The following GRM7 variants were observed in gnomAD, a reference collection of about 807,000 sequenced individuals.
GRM7 encodes metabotropic glutamate receptor 7.
GRM7 carries 35 observed loss-of-function variants against 84.5 expected under a neutral mutation model. That is an observed-to-expected ratio of 0.41 (90% CI 0.32 to 0.55). The LOEUF (loss-of-function observed/expected upper bound fraction) is 0.55, where lower values mean the gene tolerates loss of function less well. Among genes scored for constraint, GRM7 ranks in the 20% least tolerant of loss-of-function variants. The pLI, the probability that GRM7 is intolerant of heterozygous loss-of-function variation, is 0.19. For synonymous variants in GRM7, 487 were observed against 455.1 expected (o/e 1.07, Z -0.89); for missense variants, 1,003 against 1,194.6 (o/e 0.84, Z 2.36).
chr3:7,172,567 C>A (rs1695020796), intron 2 of GRM7, among the ~76,000 whole-genome samples: 1 of 136,290 alleles, frequency 7.3e-6, no homozygotes, highest in African/African-American at 2.7e-5. Flanking sequence ...CCACATATAT[C>A]TATATATAAA....
intron 7 of GRM7, among the ~76,000 whole-genome samples, chr3:7,505,089 G>GAA (rs1009399262): frequency 7.2e-5 from 11 of 152,080 alleles, no homozygotes; most frequent in African/African-American, 2.7e-4. Context: ...AAGGAAGCAA[G>GAA]AAAAAAGGCA....
intron 2 of GRM7, among the ~76,000 whole-genome samples, chr3:7,264,731 T>C (rs919198148): frequency 1.5e-4 from 23 of 152,168 alleles, no homozygotes; most frequent in Middle Eastern, 3.2e-3. Flanking sequence ...CCTCTCCACA[T>C]CTGCTTTCAT....
chr3:7,508,509 G>A (rs1700101746), intron 7 of GRM7, among the ~76,000 whole-genome samples: 1 of 152,004 alleles, frequency 6.6e-6, no homozygotes, highest in Non-Finnish European at 1.5e-5. Context: ...ATAAAAAAGA[G>A]GTTAATTGGT....
intron 8 of GRM7, among the ~76,000 whole-genome samples, chr3:7,648,261 G>A (rs1179971177): frequency 7.7e-6 from 1 of 129,320 alleles, no homozygotes; most frequent in Non-Finnish European, 1.6e-5. Flanking sequence ...TTTTTTTTAT[G>A]TTTTTAAAAG....
At chr3:7,271,572 A>T (rs1698864507) in intron 2 of GRM7, among the ~76,000 whole-genome samples, 3 of 150,154 alleles carry the variant, frequency 2.0e-5, no homozygotes. Context: ...TAAAAAAAAA[A>T]AAAAAAAAAA....
chr3:6,905,365 G>T (rs1163306796), intron 1 of GRM7, among the ~76,000 whole-genome samples: 2 of 152,058 alleles, frequency 1.3e-5, no homozygotes, highest in Non-Finnish European at 2.9e-5. Context: ...GATATTACAA[G>T]TGTATCTTAT....
intron 8 of GRM7, among the ~76,000 whole-genome samples, chr3:7,647,537 G>C (rs1460429303): frequency 6.6e-6 from 1 of 152,154 alleles, no homozygotes; most frequent in African/African-American, 2.4e-5. Context: ...GGAATTTAAG[G>C]CAAATACAAT....
chr3:7,281,114 A>C, intron 2 of GRM7, among the ~76,000 whole-genome samples: 1 of 152,214 alleles, frequency 6.6e-6, no homozygotes, highest in East Asian at 1.9e-4. Context: ...GGTAAGAAAT[A>C]AGATAATTGA....
chr3:7,238,996 C>CTTTTTTTTTTTTT (rs567509392), intron 2 of GRM7, among the ~76,000 whole-genome samples: 7 of 118,350 alleles, frequency 5.9e-5, no homozygotes, highest in East Asian at 2.5e-4. Flanking sequence ...TTTCTTTTTT[C>CTTTTTTTTTTTTT]CTTTTTCTTT....
chr3:7,363,329 A>C (rs1693749889), intron 4 of GRM7, among the ~76,000 whole-genome samples: 3 of 152,052 alleles, frequency 2.0e-5, no homozygotes, highest in Admixed American at 2.0e-4. Flanking sequence ...TCATGAGATC[A>C]CAAGAAGTCA....
chr3:6,927,729 C>G (rs1198250477), intron 1 of GRM7, among the ~76,000 whole-genome samples: 2 of 151,906 alleles, frequency 1.3e-5, no homozygotes, highest in African/African-American at 2.4e-5. Flanking sequence ...TCATTTTTAT[C>G]TATATTACAT....
At chr3:6,945,473 T>G (rs1335932979) in intron 1 of GRM7, among the ~76,000 whole-genome samples, 1 of 152,142 alleles carries the variant, frequency 6.6e-6, no homozygotes, top group Non-Finnish European at 1.5e-5. Context: ...TGTTGGACAT[T>G]TCAGTTGGTT....
At chr3:7,371,876 G>C (rs757853996) in intron 4 of GRM7, among the ~76,000 whole-genome samples, 3 of 152,194 alleles carry the variant, frequency 2.0e-5, no homozygotes, top group Non-Finnish European at 4.4e-5. Flanking sequence ...GTGTGAGTCA[G>C]TGAGTGGGTG....
chr3:7,598,128 GTCA>G (rs1161210546), intron 8 of GRM7, among the ~76,000 whole-genome samples: 1 of 152,184 alleles, frequency 6.6e-6, no homozygotes, highest in African/African-American at 2.4e-5. Flanking sequence ...CTCTTCTTCA[GTCA>G]TCATAATCTG....
chr3:7,395,542 A>G (rs1226859161), intron 4 of GRM7, among the ~76,000 whole-genome samples: 2 of 152,050 alleles, frequency 1.3e-5, no homozygotes. Flanking sequence ...TAATCCCCAC[A>G]TGTCAAGGGT....
At chr3:7,434,986 A>G (rs1696983455) in intron 5 of GRM7, among the ~76,000 whole-genome samples, 2 of 152,288 alleles carry the variant, frequency 1.3e-5, no homozygotes, top group African/African-American at 4.8e-5. Context: ...ATATACAAGG[A>G]CATTCAGAGT....
intron 1 of GRM7, among the ~76,000 whole-genome samples, chr3:7,055,601 A>G (rs939701961): frequency 1.3e-5 from 2 of 150,712 alleles, no homozygotes; most frequent in Non-Finnish European, 3.0e-5. Context: ...GCTCACTGCA[A>G]CCTCCACCTC....
At chr3:7,503,858 C>T (rs3804940) in intron 7 of GRM7, among the ~76,000 whole-genome samples, 1 of 151,942 alleles carries the variant, frequency 6.6e-6, no homozygotes, top group African/African-American at 2.4e-5. Context: ...GAATGCAGAG[C>T]TAAGGCAACT....
Position 7,136,033 on chromosome 3 carries a change from TA to T in GRM7, c.520-10418del, listed in dbSNP as rs1359207448. ...GAGATCCTTCTGCCTAGTAGCAGTT[TA>T]CTATGTAATAATTATGGGATAAAAT... On this transcript the variant is annotated intron_variant, in intron 1 of 9. Coordinates refer to ENST00000357716, the MANE Select transcript of GRM7 (RefSeq NM_000844.4). 5.3e-5 allele frequency among the ~76,000 whole-genome samples: 8 copies of T among 152,258 alleles called. No homozygotes were observed. The South Asian group carries it at 1.0e-3, about 20-fold the overall frequency.
Sources: allele counts gnomAD v4.1 joint callset (sites outside exome capture counted in the v4.1 genomes callset), GRCh38; gene constraint gnomAD v4.1.1; transcripts MANE v1.5; gene names NCBI Gene and HGNC (gene_info 2026-07-23, HGNC 2026-07-21).